HMCN1: variants seen among roughly 807,000 people sequenced by gnomAD.
The protein encoded by HMCN1 is hemicentin 1, also known as hemicentin-1.
In HMCN1, 321 loss-of-function variants were observed where a neutral mutation model predicts 625.9. The ratio of observed to expected loss-of-function variants is 0.51; its 90% CI spans 0.47 to 0.56. The LOEUF (loss-of-function observed/expected upper bound fraction) is 0.56. HMCN1 is among the 20% of genes least tolerant of loss of function. The pLI is 0.00. For synonymous variants in HMCN1, 2,425 were observed against 2,417.6 expected (o/e 1.00, Z -0.09); for missense variants, 6,588 against 6,887.3 (o/e 0.96, Z 1.54).
intron 40 of HMCN1, among the ~76,000 whole-genome samples, chr1:186,045,232 T>C (rs1166805890): frequency 6.6e-6 from 1 of 152,210 alleles, no homozygotes; most frequent in Non-Finnish European, 1.5e-5. Flanking sequence ...GAGATGGGAC[T>C]GGATGAGCTC....
At chr1:185,895,378 G>A (rs1292919830) in intron 4 of HMCN1, among the ~76,000 whole-genome samples, 2 of 152,078 alleles carry the variant, frequency 1.3e-5, no homozygotes, top group Admixed American at 6.6e-5. Context: ...GAGCAATACT[G>A]TAGTCATTTT....
rs1438476189 is a variant in HMCN1 at position 186,171,993 on chromosome 1, T to C, written c.15689-13T>C. 4 of 1,612,610 alleles carry C rather than the reference T, an allele frequency of 2.5e-6. No homozygotes were observed. In the South Asian group the frequency reaches 4.4e-5, roughly 18 times the overall value. ...ATTTTCTTAATCTACATTACCTTTG[T>C]TCTTTTATCAAGATGTGAACGAGTG... On this transcript the variant is annotated splice_polypyrimidine_tract_variant and intron_variant, in intron 101 of 106. Coordinates refer to ENST00000271588, the MANE Select transcript of HMCN1 (RefSeq NM_031935.3).
At chr1:186,162,796 G>C (rs939204146) in intron 97 of HMCN1, among the ~76,000 whole-genome samples, 2 of 152,092 alleles carry the variant, frequency 1.3e-5, no homozygotes, top group African/African-American at 2.4e-5. Context: ...AGGAGTACCC[G>C]GCCCTGTGAG....
intron 1 of HMCN1, among the ~76,000 whole-genome samples, chr1:185,767,371 AT>A (rs1655941531): frequency 6.6e-6 from 1 of 152,214 alleles, no homozygotes; most frequent in African/African-American, 2.4e-5. Flanking sequence ...GAGAGTAAAT[AT>A]TTCAGTTAAA....
At chr1:186,049,947 A>G (rs376356575) in intron 42 of HMCN1, among the ~76,000 whole-genome samples, 4 of 151,918 alleles carry the variant, frequency 2.6e-5, no homozygotes, top group African/African-American at 9.7e-5. Flanking sequence ...GTAAATTTAT[A>G]TTCATTACAT....
At chr1:185,919,037 C>T (rs1218892232) in intron 6 of HMCN1, among the ~76,000 whole-genome samples, 1 of 150,536 alleles carries the variant, frequency 6.6e-6, no homozygotes, top group African/African-American at 2.5e-5. Flanking sequence ...AATAGAAAGA[C>T]ATTAAGATAG....
chr1:185,852,617 C>G (rs2102331954), intron 2 of HMCN1, among the ~76,000 whole-genome samples: 1 of 146,526 alleles, frequency 6.8e-6, no homozygotes, highest in South Asian at 2.1e-4. Flanking sequence ...CACACACACA[C>G]ACACACACTT....
intron 1 of HMCN1, among the ~76,000 whole-genome samples, chr1:185,792,018 A>C (rs1658037803): frequency 6.6e-6 from 1 of 152,226 alleles, no homozygotes; most frequent in African/African-American, 2.4e-5. Flanking sequence ...CAAGCAATGA[A>C]ATTATAGAGA....
chr1:186,066,279 G>A (rs1017031316), intron 49 of HMCN1, among the ~76,000 whole-genome samples: 1 of 151,796 alleles, frequency 6.6e-6, no homozygotes, highest in Non-Finnish European at 1.5e-5. Context: ...TTATATATAT[G>A]TTCATTCATT....
chr1:186,032,376 G>C (rs1486147764), intron 36 of HMCN1, among the ~76,000 whole-genome samples: 2 of 152,090 alleles, frequency 1.3e-5, no homozygotes, highest in African/African-American at 4.8e-5. Context: ...CCTTACTCCT[G>C]CAAGAGTGGC....
chr1:185,777,932 TG>T (rs1430009785), intron 1 of HMCN1, among the ~76,000 whole-genome samples: 1 of 152,194 alleles, frequency 6.6e-6, no homozygotes, highest in African/African-American at 2.4e-5. Flanking sequence ...CCTGACATTA[TG>T]GTTACGGGGG....
At position 186,144,664 on chromosome 1, in the gene HMCN1, G is replaced by A. The variant is rs1650201307; in HGVS notation, c.14227G>A (p.Asp4743Asn). The change falls in exon 91 of 107, where the codon GAT becomes AAT. Residue 4743 changes from aspartate to asparagine, a missense_variant. Asp to Asn is a conservative substitution (Grantham distance 23). This residue lies in a region of HMCN1 where 1,954 missense variants were observed against 2,013.1 expected (regional missense o/e 0.97). Coordinates refer to ENST00000271588, the MANE Select transcript of HMCN1 (RefSeq NM_031935.3). ...QYGGRKCEGS[D>N]VQSDFCNSDP... is the part of the protein sequence containing the mutation. The stretch of plus-strand genomic sequence containing the variant: ...TGGAGGAAGGAAATGCGAAGGGAGT[G>A]ATGTCCAGAGTGATTTTTGCAACAG... 1.2e-6 allele frequency: 2 copies of A among 1,614,020 alleles called. No individual in the cohort carries two copies. Among genetic ancestry groups the A allele is most frequent in the Admixed American group, 3.3e-5 (2 of 59,998 alleles).
At position 186,095,533 on chromosome 1, in the gene HMCN1, TTG is replaced by T. The variant is rs779399217; in HGVS notation, c.10573+15_10573+16del. The T allele has an allele frequency of 6.2e-7, 1 of 1,611,484 alleles. No homozygotes were observed. The highest frequency in any genetic ancestry group is 8.5e-7 in the Non-Finnish European group (1 of 1,178,074). ...CCTCAAGGTCCTAGGTATGTAAACA[TTG>T]TGGTAAATGTAGAATAATTGGAAAG... On this transcript the variant is annotated intron_variant, in intron 68 of 106. Coordinates refer to ENST00000271588, the MANE Select transcript of HMCN1 (RefSeq NM_031935.3).
chr1:185,796,398 G>A (rs969958958), intron 1 of HMCN1, among the ~76,000 whole-genome samples: 2 of 152,064 alleles, frequency 1.3e-5, no homozygotes, highest in Non-Finnish European at 2.9e-5. Flanking sequence ...GTACCCATTA[G>A]GTATTTTCTC....
chr1:185,945,570 A>G (rs1435706409), intron 11 of HMCN1, among the ~76,000 whole-genome samples: 1 of 152,234 alleles, frequency 6.6e-6, no homozygotes, highest in East Asian at 1.9e-4. Flanking sequence ...TAAGAGCCAT[A>G]TTAGGGTGCT....
intron 1 of HMCN1, among the ~76,000 whole-genome samples, chr1:185,799,965 T>A (rs2102221786): frequency 6.6e-6 from 1 of 152,230 alleles, no homozygotes; most frequent in East Asian, 1.9e-4. Flanking sequence ...CACGCCCATA[T>A]GTAGATACCC....
At chr1:186,179,556 C>G (rs1189273379) in intron 104 of HMCN1, among the ~76,000 whole-genome samples, 1 of 151,986 alleles carries the variant, frequency 6.6e-6, no homozygotes, top group African/African-American at 2.4e-5. Context: ...ATTAGTTTTA[C>G]TATTTGTTAG....
intron 11 of HMCN1, among the ~76,000 whole-genome samples, chr1:185,957,539 C>G (rs1649713651): frequency 6.6e-6 from 1 of 152,086 alleles, no homozygotes; most frequent in Non-Finnish European, 1.5e-5. Flanking sequence ...TAGTTGTTCC[C>G]TTATGAGGAG....
intron 2 of HMCN1, among the ~76,000 whole-genome samples, chr1:185,859,019 ATGTGTGTGTGTGTGTGTGTG>A (rs71101981): frequency 1.4e-5 from 2 of 139,910 alleles, no homozygotes; most frequent in African/African-American, 5.3e-5. Context: ...TGGGTTAAAG[ATGTGTGTGTGTGTGTGTGTG>A]TGTGTGTGTG....
Sources: gnomAD v4.1 joint callset for allele counts (sites outside exome capture counted in the v4.1 genomes callset) on GRCh38, gnomAD v4.1.1 for gene constraint, gnomAD v4.1.1 regional missense constraint, MANE v1.5 for transcripts, NCBI Gene and HGNC (gene_info 2026-07-23, HGNC 2026-07-21) for gene names.